The following MOB1B variants were observed in gnomAD, a reference collection of about 807,000 sequenced individuals.
MOB1B encodes the protein MOB kinase activator 1B, also known as MOB1 Mps One Binder homolog B.
Under a neutral mutation model 24.4 loss-of-function variants are expected in MOB1B, and 19 were observed. The observed-to-expected ratio is 0.78, with a 90% confidence interval of 0.54 to 1.14. MOB1B has a LOEUF of 1.14. Ranked by LOEUF, MOB1B falls within the 50% of genes most tolerant of loss-of-function variation. The pLI, the probability that MOB1B is intolerant of heterozygous loss-of-function variation, is 0.00. For missense variants in MOB1B, 243 were observed against 259.6 expected (o/e 0.94, Z 0.44); for synonymous variants, 76 against 82.1 (o/e 0.93, Z 0.40).
intron 1 of MOB1B, among the ~76,000 whole-genome samples, chr4:70,924,473 A>G (rs1301049758): frequency 2.0e-5 from 3 of 152,184 alleles, no homozygotes; most frequent in Non-Finnish European, 4.4e-5. Context: ...CAAGCCATCA[A>G]GAACCAACTA....
At chr4:70,919,111 G>C (rs1736318564) in intron 1 of MOB1B, among the ~76,000 whole-genome samples, 1 of 150,558 alleles carries the variant, frequency 6.6e-6, no homozygotes, top group Non-Finnish European at 1.5e-5. Context: ...TGAACAATGA[G>C]AACACATGGA....
At chr4:70,952,140 T>G (rs1042149012) in intron 1 of MOB1B, among the ~76,000 whole-genome samples, 1 of 152,130 alleles carries the variant, frequency 6.6e-6, no homozygotes, top group Non-Finnish European at 1.5e-5. Flanking sequence ...CTTACTGCAG[T>G]GTTGTTTGTG....
chr4:70,946,362 G>A (rs759503922), intron 1 of MOB1B, among the ~76,000 whole-genome samples: 1 of 152,020 alleles, frequency 6.6e-6, no homozygotes, highest in African/African-American at 2.4e-5. Flanking sequence ...TACGCATTCC[G>A]TTATGTTTCA....
chr4:70,956,016 C>T (rs1052839372), intron 1 of MOB1B, among the ~76,000 whole-genome samples: 8 of 152,050 alleles, frequency 5.3e-5, no homozygotes, highest in Non-Finnish European at 7.4e-5. Context: ...GGACTACAGG[C>T]GTGTACTGCC....
intron 1 of MOB1B, among the ~76,000 whole-genome samples, chr4:70,921,933 T>C (rs1360138240): frequency 2.0e-5 from 3 of 152,240 alleles, no homozygotes; most frequent in African/African-American, 7.2e-5. Context: ...TTATTTAAAC[T>C]TTTCCCACAT....
intron 5 of MOB1B, among the ~76,000 whole-genome samples, chr4:70,980,141 A>G (rs551905938): frequency 1.3e-5 from 2 of 152,292 alleles, no homozygotes; most frequent in African/African-American, 4.8e-5. Flanking sequence ...AGAAATTTGT[A>G]TCCATCTTCC....
chr4:70,931,017 G>A (rs1456193961), intron 1 of MOB1B, among the ~76,000 whole-genome samples: 2 of 141,884 alleles, frequency 1.4e-5, no homozygotes, highest in African/African-American at 5.3e-5. Context: ...TTGTGTCCCA[G>A]GTTTGATTGC....
At chr4:70,934,588 GGATTACAGGC>G (rs1409227903) in intron 1 of MOB1B, among the ~76,000 whole-genome samples, 1 of 151,534 alleles carries the variant, frequency 6.6e-6, no homozygotes, top group East Asian at 2.0e-4. Flanking sequence ...CGAGTAGCTG[GGATTACAGGC>G]GACTGCCACC....
At chr4:70,957,631 A>G (rs1738120772) in intron 1 of MOB1B, among the ~76,000 whole-genome samples, 1 of 151,830 alleles carries the variant, frequency 6.6e-6, no homozygotes, top group East Asian at 1.9e-4. Flanking sequence ...TTAGAGATGG[A>G]GGGAGTCTCA....
chr4:70,949,344 G>C (rs934608338), intron 1 of MOB1B, among the ~76,000 whole-genome samples: 3 of 152,178 alleles, frequency 2.0e-5, no homozygotes, highest in Non-Finnish European at 2.9e-5. Context: ...TCAGACTGCT[G>C]TCTGTCTTGA....
At chr4:70,941,325 A>C (rs1449747616) in intron 1 of MOB1B, among the ~76,000 whole-genome samples, 2 of 152,074 alleles carry the variant, frequency 1.3e-5, no homozygotes, top group Non-Finnish European at 2.9e-5. Context: ...GCTGCAACTT[A>C]AGAAATTTGT....
intron 1 of MOB1B, among the ~76,000 whole-genome samples, chr4:70,921,609 A>G (rs1736442648): frequency 6.6e-6 from 1 of 151,092 alleles, no homozygotes; most frequent in Non-Finnish European, 1.5e-5. Context: ...TTGCAGTTCA[A>G]GCAATTCTCT....
At chr4:70,918,621 T>A (rs1234945716) in intron 1 of MOB1B, among the ~76,000 whole-genome samples, 1 of 151,950 alleles carries the variant, frequency 6.6e-6, no homozygotes, top group Admixed American at 6.6e-5. Flanking sequence ...TTGCGAAAAT[T>A]TTCTCCCATT....
At chr4:70,920,720 GAC>G (rs1396590157) in intron 1 of MOB1B, among the ~76,000 whole-genome samples, 3 of 152,136 alleles carry the variant, frequency 2.0e-5, no homozygotes, top group Non-Finnish European at 2.9e-5. Context: ...ACTGTATGCA[GAC>G]AAACACATTG....
At chr4:70,908,436 C>T (rs1735841188) in intron 1 of MOB1B, among the ~76,000 whole-genome samples, 1 of 150,960 alleles carries the variant, frequency 6.6e-6, no homozygotes, top group Admixed American at 6.6e-5. Context: ...GAAGGAAATA[C>T]TTACTGAGCA....
intron 1 of MOB1B, among the ~76,000 whole-genome samples, chr4:70,946,320 C>T (rs1737581880): frequency 6.6e-6 from 1 of 152,000 alleles, no homozygotes; most frequent in African/African-American, 2.4e-5. Flanking sequence ...GATTTTTCTT[C>T]AACATCATTA....
At chr4:70,909,085 G>C (rs958433679) in intron 1 of MOB1B, among the ~76,000 whole-genome samples, 1 of 151,010 alleles carries the variant, frequency 6.6e-6, no homozygotes, top group Non-Finnish European at 1.5e-5. Flanking sequence ...TTTAGGAAAA[G>C]AGACTCATGA....
At chr4:70,931,364 G>C (rs547147335) in intron 1 of MOB1B, among the ~76,000 whole-genome samples, 44 of 152,292 alleles carry the variant, frequency 2.9e-4, no homozygotes, top group Middle Eastern at 3.4e-3. Flanking sequence ...TTAGGTGGTG[G>C]TAGTTACAAA....
At chr4:70,918,712 A>T (rs966403946) in intron 1 of MOB1B, among the ~76,000 whole-genome samples, 1 of 151,968 alleles carries the variant, frequency 6.6e-6, no homozygotes, top group Non-Finnish European at 1.5e-5. Context: ...CCCATTTGTC[A>T]ATTTTGTCTT....
Sources: allele counts gnomAD v4.1 joint callset (sites outside exome capture counted in the v4.1 genomes callset), GRCh38; gene constraint gnomAD v4.1.1; transcripts MANE v1.5; gene names NCBI Gene and HGNC (gene_info 2026-07-23, HGNC 2026-07-21).